Variants in PHACTR3 observed in about 807,000 individuals in gnomAD.
The protein encoded by PHACTR3 is phosphatase and actin regulator 3, also known as protein phosphatase 1, regulatory subunit 123.
Under a neutral mutation model 66.8 loss-of-function variants are expected in PHACTR3, and 16 were observed. The observed-to-expected ratio is 0.24, with a 90% CI of 0.16 to 0.36. The LOEUF (loss-of-function observed/expected upper bound fraction) is 0.36, where lower values mean the gene tolerates loss of function less well. Among genes scored for constraint, PHACTR3 ranks in the 10% least tolerant of loss-of-function variants. The probability of loss-of-function intolerance (pLI) is 1.00; values close to 1 mark genes in which losing one functional copy is unlikely to be tolerated. For missense variants in PHACTR3, 647 were observed against 719.9 expected (o/e 0.90, Z 1.16); for synonymous variants, 323 against 292.1 (o/e 1.11, Z -1.08).
intron 1 of PHACTR3, among the ~76,000 whole-genome samples, chr20:59,703,577 T>G (rs1464958725): frequency 6.6e-6 from 1 of 152,222 alleles, no homozygotes. Context: ...TTCATTCCAG[T>G]TATGAAAATA....
chr20:59,773,435 C>T lies in PHACTR3; in HGVS notation c.908C>T (p.Thr303Met), dbSNP rs370704487. ...GAGGAGCTGCACAGGGCGCTGGCCA[C>T]GAAGCACCGCCAGGACAGGTGAGGC... Reference protein sequence around the residue: ...VIEELHRALATKHRQDSFQGR... With the variant: ...VIEELHRALAMKHRQDSFQGR... The change falls in exon 6 of 13, where the codon ACG becomes ATG. Residue 303 changes from threonine to methionine, a missense_variant. Physicochemically the swap from Thr to Met is moderately conservative, Grantham distance 81. Coordinates refer to ENST00000371015, the MANE Select transcript of PHACTR3 (RefSeq NM_080672.5). The T allele has an allele frequency of 1.1e-5, 18 of 1,611,744 alleles. No individual in the cohort carries two copies. The highest frequency in any genetic ancestry group is 1.7e-5 in the Admixed American group (1 of 59,768).
At chr20:59,580,509 C>T (rs1326632406) in intron 1 of PHACTR3, among the ~76,000 whole-genome samples, 5 of 151,870 alleles carry the variant, frequency 3.3e-5, no homozygotes, top group Admixed American at 2.6e-4. Context: ...TTCTTCCAGA[C>T]TTCGAAGTCT....
chr20:59,816,098 A>G (rs1474397420), intron 8 of PHACTR3, among the ~76,000 whole-genome samples: 1 of 151,918 alleles, frequency 6.6e-6, no homozygotes, highest in African/African-American at 2.4e-5. Context: ...GGGAGCCCTG[A>G]GCTTGTTTTC....
rs935302732 is a variant in PHACTR3, at chr20:59,672,653, G to A, written c.118+67521G>A. Among the ~76,000 whole-genome samples, 5 of 152,200 alleles carry A rather than the reference G, an allele frequency of 3.3e-5. No homozygotes were observed. In the East Asian group the frequency reaches 5.8e-4, roughly 18 times the overall value. ...GGCACATGGAACCTGATAAACGTGC[G>A]TGAGCAGCGCCATCCTGACTCAGCG... is the stretch of plus-strand genomic sequence containing the variant. On this transcript the variant is annotated intron_variant, in intron 1 of 12. Coordinates refer to ENST00000371015, the MANE Select transcript of PHACTR3 (RefSeq NM_080672.5).
In PHACTR3 at chr20:59,604,908, T is replaced by A. The variant is rs1457755443; in HGVS notation, c.-107T>A. ...TTTTTTTTTTTTTTTTTAATTTTCTTTTTTAAAAAGACGCCCCCTCCAGCC... is the reference window on the plus strand; with the variant it reads ...TTTTTTTTTTTTTTTTTAATTTTCTATTTTAAAAAGACGCCCCCTCCAGCC... On this transcript the variant is annotated 5_prime_UTR_variant, in exon 1 of 13. Coordinates refer to ENST00000371015, the MANE Select transcript of PHACTR3 (RefSeq NM_080672.5). 8.3e-7 allele frequency: 1 copy of A among 1,198,050 alleles called. No individual in the cohort carries two copies. Among genetic ancestry groups the A allele is most frequent in the South Asian group, 4.3e-5 (1 of 23,140 alleles). 74.2% of individuals were successfully genotyped at this position (1,198,050 alleles called of 1,614,324 possible).
At chr20:59,765,601 A>G (rs1322728448) in intron 4 of PHACTR3, among the ~76,000 whole-genome samples, 1 of 152,250 alleles carries the variant, frequency 6.6e-6, no homozygotes, top group Admixed American at 6.5e-5. Context: ...AACTTCCAAC[A>G]TAGCCAATAA....
At position 59,817,655 on chromosome 20, in the gene PHACTR3, C is replaced by T. The variant is rs1461197523; in HGVS notation, c.1328+11461C>T. Among the ~76,000 whole-genome samples, 3 of 152,228 alleles carry T rather than the reference C, an allele frequency of 2.0e-5. No individual in the cohort carries two copies. The East Asian group carries it at 5.8e-4, about 29-fold the overall frequency. ...TGTGGCATCCTGGGGAGTGTGCACT[C>T]TTGCTCAAGAGGGCAGCTGTCACTC... On this transcript the variant is annotated intron_variant, in intron 8 of 12. Transcript: ENST00000371015.
At chr20:59,621,743 G>A (rs1281585589) in intron 1 of PHACTR3, among the ~76,000 whole-genome samples, 1 of 152,204 alleles carries the variant, frequency 6.6e-6, no homozygotes, top group Non-Finnish European at 1.5e-5. Flanking sequence ...GGGGCATGGT[G>A]AGCCACGTCC....
chr20:59,605,297 C>T (rs957235519), intron 1 of PHACTR3, among the ~76,000 whole-genome samples, 165 bp downstream of exon 1: 1 of 152,180 alleles, frequency 6.6e-6, no homozygotes, highest in Non-Finnish European at 1.5e-5. Context: ...AGGGCTGGGG[C>T]GCCTCGGAGC....
chr20:59,821,247 G>T (rs548129780), intron 8 of PHACTR3, among the ~76,000 whole-genome samples: 1 of 152,148 alleles, frequency 6.6e-6, no homozygotes, highest in African/African-American at 2.4e-5. Flanking sequence ...ACTCCAGACC[G>T]CACGTTAGAG....
At chr20:59,762,576 A>G (rs1276074337) in intron 4 of PHACTR3, among the ~76,000 whole-genome samples, 7 of 152,246 alleles carry the variant, frequency 4.6e-5, no homozygotes, top group Non-Finnish European at 1.5e-5. Context: ...GTGGCTGCAC[A>G]TCTACTTTGC....
chr20:59,629,842 A>G (rs1045638330), intron 1 of PHACTR3, among the ~76,000 whole-genome samples: 2 of 152,176 alleles, frequency 1.3e-5, no homozygotes, highest in African/African-American at 4.8e-5. Context: ...CCGTCTTCCC[A>G]CTGACTGATG....
intron 1 of PHACTR3, among the ~76,000 whole-genome samples, chr20:59,728,234 C>T (rs2038634413): frequency 6.6e-6 from 1 of 152,108 alleles, no homozygotes. Context: ...TGACTGGCTC[C>T]TTTCGTTTAG....
chr20:59,759,110 G>C lies in PHACTR3; in HGVS notation c.541+3746G>C, dbSNP rs1289325541. ...GCTGCCTACAGATGCTCCCAGAGAG[G>C]CCATCTCTCTGGTAGCATGTGTGTT... On this transcript the variant is annotated intron_variant, in intron 4 of 12. Coordinates refer to ENST00000371015, the MANE Select transcript of PHACTR3 (RefSeq NM_080672.5). Among the ~76,000 whole-genome samples, 3 of 152,240 alleles carry C rather than the reference G, an allele frequency of 2.0e-5. No homozygotes were observed. The East Asian group carries it at 5.8e-4, about 29-fold the overall frequency.
At chr20:59,735,131 T>G (rs532895022) in intron 1 of PHACTR3, among the ~76,000 whole-genome samples, 1 of 152,056 alleles carries the variant, frequency 6.6e-6, no homozygotes, top group East Asian at 1.9e-4. Flanking sequence ...GAAATAGAGG[T>G]CATATCTCAG....
At chr20:59,797,875 G>T (rs995165790) in intron 7 of PHACTR3, among the ~76,000 whole-genome samples, 5 of 150,948 alleles carry the variant, frequency 3.3e-5, no homozygotes, top group Non-Finnish European at 5.9e-5. Context: ...GGTTTGATTT[G>T]CTTTTTTTTT....
rs541081144 is a variant in PHACTR3, at chr20:59,584,471, C to T, written c.109+6854C>T. On this transcript the variant is annotated intron_variant, in intron 1 of 12. Transcript: ENST00000359926. The stretch of plus-strand genomic sequence containing the variant: ...GTGCAGGAGTGTGTGTGAAGGTGTG[C>T]GTGAGTGTGTATATGAGCAAGTGTG... Among the ~76,000 whole-genome samples the T allele has an allele frequency of 4.1e-4, 62 of 151,824 alleles. 1 individual carries two copies. The highest frequency in any genetic ancestry group is 1.5e-3 in the Admixed American group (23 of 15,254).
chr20:59,789,020 G>T (rs544472241), intron 7 of PHACTR3, among the ~76,000 whole-genome samples: 58 of 152,340 alleles, frequency 3.8e-4, no homozygotes, highest in Non-Finnish European at 6.9e-4. Flanking sequence ...ATGATGAAGC[G>T]ATGGTAGCTG....
chr20:59,683,842 T>A (rs1257232729), intron 1 of PHACTR3, among the ~76,000 whole-genome samples: 1 of 152,214 alleles, frequency 6.6e-6, no homozygotes, highest in African/African-American at 2.4e-5. Flanking sequence ...TTTACCCTGT[T>A]ATGTGCCTGG....
Sources: allele counts gnomAD v4.1 joint callset (sites outside exome capture counted in the v4.1 genomes callset), GRCh38; gene constraint gnomAD v4.1.1; transcripts MANE v1.5; gene names NCBI Gene and HGNC (gene_info 2026-07-23, HGNC 2026-07-21).